ADGRL2: variants seen among roughly 807,000 people sequenced by gnomAD.
The protein encoded by ADGRL2 is calcium-independent alpha-latrotoxin receptor 2.
ADGRL2 carries 44 observed loss-of-function variants against 157.4 expected under a neutral mutation model. That is an observed-to-expected ratio of 0.28 (90% CI 0.22 to 0.36). ADGRL2 has a LOEUF of 0.36. Ranked by LOEUF, ADGRL2 falls within the 10% of genes least tolerant of loss-of-function variation. ADGRL2 has a pLI of 1.00. For synonymous variants in ADGRL2, 585 were observed against 624.7 expected (o/e 0.94, Z 0.95); for missense variants, 1,510 against 1,768.9 (o/e 0.85, Z 2.63).
chr1:81,592,370 A>G (rs2148593136), intron 3 of ADGRL2, among the ~76,000 whole-genome samples: 1 of 152,344 alleles, frequency 6.6e-6, no homozygotes, highest in Non-Finnish European at 1.5e-5. Context: ...GTTATTTACA[A>G]AAAGAAGTGA....
intron 2 of ADGRL2, among the ~76,000 whole-genome samples, chr1:81,552,547 G>A (rs1026248415): frequency 2.1e-5 from 3 of 144,244 alleles, no homozygotes; most frequent in African/African-American, 7.7e-5. Context: ...AGGATTTCAG[G>A]TAATTTGATG....
At chr1:81,517,717 G>T (rs904239084) in intron 2 of ADGRL2, among the ~76,000 whole-genome samples, 4 of 152,188 alleles carry the variant, frequency 2.6e-5, no homozygotes, top group Admixed American at 1.3e-4. Context: ...AAGAGATGAA[G>T]AGCTGGGCAC....
intron 2 of ADGRL2, among the ~76,000 whole-genome samples, chr1:81,842,074 G>T (rs2092603879): frequency 6.6e-6 from 1 of 152,044 alleles, no homozygotes; most frequent in South Asian, 2.1e-4. Context: ...GATGCTGATG[G>T]TGTTGCTCAG....
intron 3 of ADGRL2, among the ~76,000 whole-genome samples, chr1:81,599,260 C>A (rs1190426065): frequency 6.6e-6 from 1 of 152,164 alleles, no homozygotes; most frequent in African/African-American, 2.4e-5. Context: ...AATCATTTTT[C>A]TATGTGTAGT....
At chr1:81,815,158 T>C (rs1257691947) in intron 1 of ADGRL2, among the ~76,000 whole-genome samples, 1 of 151,858 alleles carries the variant, frequency 6.6e-6, no homozygotes, top group Non-Finnish European at 1.5e-5. Flanking sequence ...TTTTATGTCA[T>C]GGTTTAGAAA....
chr1:81,519,831 A>T (rs2079269979), intron 2 of ADGRL2, among the ~76,000 whole-genome samples: 1 of 152,096 alleles, frequency 6.6e-6, no homozygotes, highest in African/African-American at 2.4e-5. Flanking sequence ...TTTGCTTGAG[A>T]AAAAAGTACC....
intron 2 of ADGRL2, among the ~76,000 whole-genome samples, chr1:81,541,844 G>A (rs1362382790): frequency 6.6e-6 from 1 of 151,482 alleles, no homozygotes; most frequent in Non-Finnish European, 1.5e-5. Context: ...TGTAAGCCCA[G>A]CTACTCGGGA....
At chr1:81,953,192 A>G (rs1652394936) in intron 10 of ADGRL2, among the ~76,000 whole-genome samples, 167 bp downstream of exon 10, 1 of 152,168 alleles carries the variant, frequency 6.6e-6, no homozygotes. Flanking sequence ...CTCTCAGAAT[A>G]AGCAAATAAT....
intron 2 of ADGRL2, among the ~76,000 whole-genome samples, chr1:81,871,047 T>C (rs1451382094): frequency 6.6e-6 from 1 of 151,196 alleles, no homozygotes; most frequent in East Asian, 2.0e-4. Context: ...TACCTCGTCA[T>C]TTACATTAGG....
chr1:81,489,450 T>C (rs11163311), intron 2 of ADGRL2, among the ~76,000 whole-genome samples: 22,255 of 152,004 alleles, frequency 0.15, 3,015 homozygotes, highest in African/African-American at 0.36. Flanking sequence ...AAACAAAATA[T>C]ACAGCCTAAG....
chr1:81,370,119 A>G (rs1052655529), intron 1 of ADGRL2, among the ~76,000 whole-genome samples: 7 of 152,094 alleles, frequency 4.6e-5, no homozygotes, highest in Non-Finnish European at 1.0e-4. Flanking sequence ...TTTGGACACA[A>G]TTTGGAGGGG....
chr1:81,789,127 A>T (rs953315931), intron 2 of ADGRL2, among the ~76,000 whole-genome samples: 2 of 152,340 alleles, frequency 1.3e-5, no homozygotes, highest in African/African-American at 2.4e-5. Flanking sequence ...TGGTGCAAAC[A>T]AACTACATTT....
At chr1:81,468,172 T>C (rs1164542668) in intron 2 of ADGRL2, among the ~76,000 whole-genome samples, 1 of 152,162 alleles carries the variant, frequency 6.6e-6, no homozygotes, top group Non-Finnish European at 1.5e-5. Context: ...CTAGGGAAGA[T>C]ACCAGAGGGA....
intron 1 of ADGRL2, among the ~76,000 whole-genome samples, chr1:81,803,162 G>C (rs2088554776): frequency 6.6e-6 from 1 of 152,060 alleles, no homozygotes; most frequent in Non-Finnish European, 1.5e-5. Flanking sequence ...GAGTGGCGAC[G>C]AGAGAAAGGC....
intron 1 of ADGRL2, among the ~76,000 whole-genome samples, chr1:81,812,048 G>A (rs2089926305): frequency 6.6e-6 from 1 of 151,710 alleles, no homozygotes; most frequent in South Asian, 2.1e-4. Flanking sequence ...GAATAATCAT[G>A]TTGAACCACA....
intron 1 of ADGRL2, among the ~76,000 whole-genome samples, chr1:81,393,709 C>A (rs1328445164): frequency 6.6e-6 from 1 of 151,838 alleles, no homozygotes; most frequent in African/African-American, 2.4e-5. Flanking sequence ...AAAGGTTGTG[C>A]CAAATAAATG....
chr1:81,352,925 A>T (rs376909070), intron 1 of ADGRL2, among the ~76,000 whole-genome samples: 116 of 152,304 alleles, frequency 7.6e-4, no homozygotes, highest in African/African-American at 2.8e-3. Context: ...GGAATGGGAT[A>T]GAAAAACAAA....
intron 3 of ADGRL2, among the ~76,000 whole-genome samples, chr1:81,919,868 G>A (rs1211483153): frequency 3.9e-5 from 6 of 151,974 alleles, no homozygotes; most frequent in South Asian, 2.1e-4. Flanking sequence ...TTGGTTCAAG[G>A]CACTTTTATA....
At chr1:81,654,980 T>TCCA (rs1557540521) in intron 3 of ADGRL2, among the ~76,000 whole-genome samples, 1 of 151,886 alleles carries the variant, frequency 6.6e-6, no homozygotes, top group Non-Finnish European at 1.5e-5. Context: ...TGAGATGGAG[T>TCCA]CTCTGTCACC....
Sources: gnomAD v4.1 joint callset for allele counts (sites outside exome capture counted in the v4.1 genomes callset) on GRCh38, gnomAD v4.1.1 for gene constraint, MANE v1.5 for transcripts, NCBI Gene and HGNC (gene_info 2026-07-23, HGNC 2026-07-21) for gene names.